The following AKAP6 variants were observed in gnomAD, a reference collection of about 807,000 sequenced individuals.
AKAP6 encodes A-kinase anchoring protein 6, also known as A-kinase anchor protein 6.
Under a neutral mutation model 188.5 loss-of-function variants are expected in AKAP6, and 58 were observed. The ratio of observed to expected loss-of-function variants is 0.31; its 90% CI spans 0.25 to 0.38. The LOEUF (loss-of-function observed/expected upper bound fraction) is 0.38, where lower values mean the gene tolerates loss of function less well. Among genes scored for constraint, AKAP6 ranks in the 10% least tolerant of loss-of-function variants. AKAP6 has a pLI of 1.00. For synonymous variants in AKAP6, 989 were observed against 998.6 expected (o/e 0.99, Z 0.18); for missense variants, 2,710 against 2,740.0 (o/e 0.99, Z 0.24).
At chr14:32,800,901 C>T (rs2033928556) in intron 12 of AKAP6, among the ~76,000 whole-genome samples, 1 of 152,096 alleles carries the variant, frequency 6.6e-6, no homozygotes, top group South Asian at 2.1e-4. Context: ...CCTGTGGTCT[C>T]AGCTACTCAA....
At chr14:32,520,625 C>T (rs1447416664) in intron 2 of AKAP6, among the ~76,000 whole-genome samples, 5 of 152,166 alleles carry the variant, frequency 3.3e-5, no homozygotes, top group Non-Finnish European at 5.9e-5. Flanking sequence ...TGGACACATA[C>T]ACCCTCCCAA....
At chr14:32,725,047 A>G (rs1157159968) in intron 9 of AKAP6, among the ~76,000 whole-genome samples, 1 of 147,064 alleles carries the variant, frequency 6.8e-6, no homozygotes, top group Non-Finnish European at 1.5e-5. Context: ...GGCTGACAAC[A>G]ATATTGTTCA....
At chr14:32,624,928 G>C (rs1013542683) in intron 7 of AKAP6, among the ~76,000 whole-genome samples, 7 of 151,900 alleles carry the variant, frequency 4.6e-5, no homozygotes, top group Non-Finnish European at 7.4e-5. Flanking sequence ...ATTTATGAAG[G>C]GTTTGTGTGT....
chr14:32,619,471 C>G (rs10143444), intron 7 of AKAP6, among the ~76,000 whole-genome samples: 1,937 of 152,214 alleles, frequency 0.013, 30 homozygotes, highest in African/African-American at 0.043. Flanking sequence ...TGTTGAAGAT[C>G]AGTTGGTTGT....
Position 32,370,029 on chromosome 14 carries a change from C to T in AKAP6, c.-35+40621C>T, listed in dbSNP as rs190705011. ...CTGGGCGAAAAGAGCGAAACTCCAT[C>T]TCAAAAACAAACAAACAAAAAATTA... On this transcript the variant is annotated intron_variant, in intron 1 of 13. Transcript: ENST00000280979. Among the ~76,000 whole-genome samples the T allele has an allele frequency of 4.6e-3, 707 of 152,306 alleles. 3 individuals carry two copies. The highest frequency in any genetic ancestry group is 0.014 in the African/African-American group (593 of 41,570).
Position 32,599,459 on chromosome 14 carries a change from A to G in AKAP6, c.2519A>G (p.Glu840Gly). 6.2e-7 allele frequency: 1 copy of G among 1,613,504 alleles called. No individual in the cohort carries two copies. Among genetic ancestry groups the G allele is most frequent in the Non-Finnish European group, 8.5e-7 (1 of 1,179,626 alleles). The change falls in exon 6 of 14, where the codon GAG becomes GGG. Residue 840 changes from glutamate (E) to glycine (G), a missense_variant. By Grantham distance (98) the Glu-to-Gly change is moderately conservative (BLOSUM62 -2). Transcript: ENST00000280979. ...DSHCALKEAV[E>G]EEGHQLLELI... Reference sequence around the variant, plus strand: ...CATTGTGCTCTCAAGGAAGCTGTGGAGGAGGAAGGACACCAACTTCTTGAG... The same window carrying G: ...CATTGTGCTCTCAAGGAAGCTGTGGGGGAGGAAGGACACCAACTTCTTGAG...
chr14:32,825,279 T>C (rs1048533253), intron 13 of AKAP6, among the ~76,000 whole-genome samples: 17 of 152,198 alleles, frequency 1.1e-4, no homozygotes, highest in Admixed American at 3.9e-4. Flanking sequence ...TGGCCCTTCC[T>C]TTTATGCTTC....
chr14:32,555,478 C>G (rs1202655979), intron 4 of AKAP6, among the ~76,000 whole-genome samples: 2 of 152,104 alleles, frequency 1.3e-5, no homozygotes, highest in Non-Finnish European at 2.9e-5. Flanking sequence ...ACAAAATGTG[C>G]TATCTTAACC....
intron 5 of AKAP6, among the ~76,000 whole-genome samples, chr14:32,591,208 C>G (rs947995453): frequency 1.3e-5 from 2 of 152,174 alleles, no homozygotes; most frequent in African/African-American, 4.8e-5. Flanking sequence ...CCTTTTCAAT[C>G]AGGGCCTCTG....
At chr14:32,413,982 G>T (rs1304344136) in intron 1 of AKAP6, among the ~76,000 whole-genome samples, 1 of 151,336 alleles carries the variant, frequency 6.6e-6, no homozygotes, top group Admixed American at 6.6e-5. Flanking sequence ...GAAACTTAGA[G>T]AATGTTGAAA....
rs886623691 is a variant in AKAP6, at chr14:32,455,105, A to G, written c.324+21288A>G. Among the ~76,000 whole-genome samples, 5 of 150,872 alleles carry G rather than the reference A, an allele frequency of 3.3e-5. No individual in the cohort carries two copies. The South Asian group carries it at 6.4e-4, about 19-fold the overall frequency. ...CTCAGCCTCCTGAGTAGCTGGGACT[A>G]CAGGTGTGGGCCACCACACCCAGCT... On this transcript the variant is annotated intron_variant, in intron 2 of 13. Coordinates refer to ENST00000280979, the MANE Select transcript of AKAP6 (RefSeq NM_004274.5).
At chr14:32,345,694 G>A (rs765985331) in intron 1 of AKAP6, among the ~76,000 whole-genome samples, 1 of 152,200 alleles carries the variant, frequency 6.6e-6, no homozygotes, top group Non-Finnish European at 1.5e-5. Flanking sequence ...TGGGTCATGA[G>A]GAAGTGTCCT....
chr14:32,574,538 C>CA (rs1884638803), intron 4 of AKAP6, among the ~76,000 whole-genome samples: 1 of 152,142 alleles, frequency 6.6e-6, no homozygotes, highest in Non-Finnish European at 1.5e-5. Context: ...CATACACACA[C>CA]AGGTTATTTG....
At chr14:32,489,282 C>A (rs984143502) in intron 2 of AKAP6, among the ~76,000 whole-genome samples, 1 of 152,188 alleles carries the variant, frequency 6.6e-6, no homozygotes, top group Non-Finnish European at 1.5e-5. Context: ...GATCATAGCT[C>A]ACTACAGTCT....
At chr14:32,789,055 G>T (rs575607087) in intron 12 of AKAP6, among the ~76,000 whole-genome samples, 1 of 152,158 alleles carries the variant, frequency 6.6e-6, no homozygotes, top group African/African-American at 2.4e-5. Flanking sequence ...AATACAAACC[G>T]TATGAACAAG....
rs1884291389 is a variant in AKAP6 at position 32,568,214 on chromosome 14, G to A, written c.2347-8906G>A. ...TGACTGTCCTTTGTTTCCTCTCTATGGACTTTGTGGGAACAAATCTGGTTA... is the reference window on the plus strand; with the variant it reads ...TGACTGTCCTTTGTTTCCTCTCTATAGACTTTGTGGGAACAAATCTGGTTA... On this transcript the variant is annotated intron_variant, in intron 4 of 13. Coordinates refer to ENST00000280979, the MANE Select transcript of AKAP6 (RefSeq NM_004274.5). This position sits in a 1 kb window ranked among gnomAD's most constrained non-coding sequence, Gnocchi z 6.2. 6.6e-6 allele frequency among the ~76,000 whole-genome samples: 1 copy of A among 152,126 alleles called. No individual in the cohort carries two copies. Among genetic ancestry groups the A allele is most frequent in the Admixed American group, 6.6e-5 (1 of 15,260 alleles).
At chr14:32,528,415 C>A (rs963118008) in intron 2 of AKAP6, among the ~76,000 whole-genome samples, 16 of 151,982 alleles carry the variant, frequency 1.1e-4, no homozygotes, top group Non-Finnish European at 2.2e-4. Context: ...AGTTCCAGCA[C>A]CGTTTGTTGA....
At chr14:32,608,457 G>T (rs576218273) in intron 7 of AKAP6, among the ~76,000 whole-genome samples, 2 of 143,206 alleles carry the variant, frequency 1.4e-5, no homozygotes, top group South Asian at 4.5e-4. Context: ...CTGAGATTGT[G>T]CCACTGCACT....
chr14:32,372,258 AC>A (rs1260420748), intron 1 of AKAP6, among the ~76,000 whole-genome samples: 3 of 152,160 alleles, frequency 2.0e-5, no homozygotes, highest in Non-Finnish European at 4.4e-5. Context: ...TATTAATGTA[AC>A]ATTTTTTTCT....
Sources: gnomAD v4.1 joint callset for allele counts (sites outside exome capture counted in the v4.1 genomes callset) on GRCh38, gnomAD v4.1.1 for gene constraint, Gnocchi (gnomAD v3.1) non-coding constraint, MANE v1.5 for transcripts, NCBI Gene and HGNC (gene_info 2026-07-23, HGNC 2026-07-21) for gene names.